ASIP: variants seen among roughly 807,000 people sequenced by gnomAD.
ASIP encodes the protein agouti-signaling protein.
ASIP carries 11 observed loss-of-function variants against 10.3 expected under a neutral mutation model. The observed-to-expected ratio is 1.07, with a 90% CI of 0.68 to 1.78. The LOEUF (loss-of-function observed/expected upper bound fraction) is 1.78. Among genes scored for constraint, ASIP ranks in the 40% most tolerant of loss-of-function variants. The probability of loss-of-function intolerance (pLI) is 0.00; values close to 1 mark genes in which losing one functional copy is unlikely to be tolerated. For synonymous variants in ASIP, 70 were observed against 70.8 expected, an observed-to-expected ratio of 0.99 and a Z score of 0.06; for missense variants, 180 against 169.2, an observed-to-expected ratio of 1.06 and a Z score of -0.35.
chr20:34,210,225 T>C (rs999824307), intron 1 of ASIP, among the ~76,000 whole-genome samples: 2 of 151,980 alleles, frequency 1.3e-5, no homozygotes, highest in Non-Finnish European at 2.9e-5. Flanking sequence ...GCTCACCACG[T>C]TGAGGGTGAA....
At chr20:34,227,640 A>T (rs1432196046) in intron 1 of ASIP, among the ~76,000 whole-genome samples, 1 of 151,928 alleles carries the variant, frequency 6.6e-6, no homozygotes, top group Non-Finnish European at 1.5e-5. Flanking sequence ...AAAAAAAAAA[A>T]AAAAAAGAGA....
chr20:34,213,565 G>A (rs1340116773), intron 1 of ASIP: 20 of 1,546,172 alleles, frequency 1.3e-5, no homozygotes, highest in African/African-American at 1.4e-5. Flanking sequence ...ATGAAGCAGG[G>A]GCATGAACAT....
At chr20:34,215,955 A>G (rs1488253552) in intron 1 of ASIP, 1 of 769,440 alleles carries the variant, frequency 1.3e-6, no homozygotes, top group Admixed American at 1.7e-5. Context: ...CCACAGAAGA[A>G]TTTATAAACA....
At chr20:34,223,559 CCCCGCCT>C (rs2035069542) in intron 1 of ASIP, among the ~76,000 whole-genome samples, 1 of 126,836 alleles carries the variant, frequency 7.9e-6, no homozygotes, top group African/African-American at 5.3e-5. Flanking sequence ...GGGGTCAGCC[CCCCGCCT>C]GGCCAGCCGT....
chr20:34,188,547 C>T, the ASIP span, among the ~76,000 whole-genome samples: 10 of 152,006 alleles, frequency 6.6e-5, no homozygotes, highest in Admixed American at 5.2e-4. Flanking sequence ...GAAAATAGAC[C>T]TCAGAACTGG....
chr20:34,244,019 T>C (rs1179707675), intron 1 of ASIP, among the ~76,000 whole-genome samples: 2 of 152,128 alleles, frequency 1.3e-5, no homozygotes, highest in Non-Finnish European at 2.9e-5. Context: ...GAGCCGAGAT[T>C]GCGCCACTGC....
chr20:34,239,109 A>G (rs148667471), upstream of ASIP, among the ~76,000 whole-genome samples: 22 of 152,216 alleles, frequency 1.4e-4, no homozygotes, highest in African/African-American at 4.1e-4. Context: ...GAAACTTGAT[A>G]TCTTTTCTGC....
At chr20:34,260,626 G>A in intron 2 of ASIP, 92 bp downstream of exon 2, 5 of 1,344,788 alleles carry the variant, frequency 3.7e-6, no homozygotes, top group Non-Finnish European at 4.0e-6. Flanking sequence ...CCACCGCCAT[G>A]GTCACGGCTC....
intron 1 of ASIP, among the ~76,000 whole-genome samples, chr20:34,204,141 T>C (rs553876949): frequency 1.3e-5 from 2 of 152,240 alleles, no homozygotes; most frequent in African/African-American, 4.8e-5. Flanking sequence ...ACTTAATAAT[T>C]CTTATAGTTT....
At chr20:34,187,159 G>A in the ASIP span, among the ~76,000 whole-genome samples, 2 of 152,212 alleles carry the variant, frequency 1.3e-5, no homozygotes, top group African/African-American at 4.8e-5. Flanking sequence ...GCACAAAGGA[G>A]AACCAATCAA....
At chr20:34,253,112 T>C (rs2035506918) in intron 1 of ASIP, among the ~76,000 whole-genome samples, 2 of 152,048 alleles carry the variant, frequency 1.3e-5, no homozygotes, top group South Asian at 4.1e-4. Flanking sequence ...TTTCTTTTTT[T>C]TTTATTTTTT....
At chr20:34,259,329 A>G (rs148577906) in intron 1 of ASIP, among the ~76,000 whole-genome samples, 1,910 of 152,224 alleles carry the variant, frequency 0.013, 131 homozygotes, top group Admixed American at 0.1. Context: ...CCTGGCCAAC[A>G]TGGTGAAATC....
intron 3 of ASIP, among the ~76,000 whole-genome samples, chr20:34,263,489 C>T (rs766733309): frequency 2.0e-5 from 3 of 151,862 alleles, no homozygotes; most frequent in Non-Finnish European, 4.4e-5. Context: ...TGCTTGTACC[C>T]GGGAGGTGGA....
At chr20:34,232,394 A>C (rs1335419494) in intron 1 of ASIP, among the ~76,000 whole-genome samples, 2 of 152,186 alleles carry the variant, frequency 1.3e-5, no homozygotes, top group African/African-American at 4.8e-5. Flanking sequence ...TTTTCACTTG[A>C]GCATGCCATT....
intron 1 of ASIP, among the ~76,000 whole-genome samples, chr20:34,211,797 A>T (rs1424663866): frequency 6.6e-6 from 1 of 151,898 alleles, no homozygotes; most frequent in Non-Finnish European, 1.5e-5. Flanking sequence ...AAGTAAACTG[A>T]CTTTTTTCTT....
At chr20:34,237,668 G>A (rs1220760756), upstream of ASIP, among the ~76,000 whole-genome samples, 1 of 152,074 alleles carries the variant, frequency 6.6e-6, no homozygotes, top group African/African-American at 2.4e-5. Flanking sequence ...ATTGTTCTAG[G>A]TAGAACTTCC....
intron 1 of ASIP, among the ~76,000 whole-genome samples, chr20:34,199,728 T>C (rs2034880835): frequency 6.6e-6 from 1 of 152,216 alleles, no homozygotes; most frequent in South Asian, 2.1e-4. Flanking sequence ...TGTGTACATG[T>C]TGCAAATATC....
chr20:34,241,808 A>G (rs910978960), intron 1 of ASIP, among the ~76,000 whole-genome samples: 15 of 152,234 alleles, frequency 9.9e-5, no homozygotes, highest in Admixed American at 9.2e-4. Flanking sequence ...TCACACTTTA[A>G]TGCTTCTTTA....
intron 1 of ASIP, among the ~76,000 whole-genome samples, chr20:34,245,733 G>A (rs2035363699): frequency 6.6e-6 from 1 of 151,758 alleles, no homozygotes; most frequent in Admixed American, 6.6e-5. Context: ...TCATGCATGA[G>A]CATGACAGTC....
Sources: gnomAD v4.1 joint callset for allele counts (sites outside exome capture counted in the v4.1 genomes callset) on GRCh38, gnomAD v4.1.1 for gene constraint, MANE v1.5 for transcripts, NCBI Gene and HGNC (gene_info 2026-07-23, HGNC 2026-07-21) for gene names.